MSRA: variants seen among roughly 807,000 people sequenced by gnomAD.
MSRA encodes mitochondrial peptide methionine sulfoxide reductase.
MSRA carries 54 observed loss-of-function variants against 31.3 expected under a neutral mutation model. The ratio of observed to expected loss-of-function variants is 1.73; its 90% confidence interval spans 1.39 to 2.17. The LOEUF is 2.17. MSRA is among the 30% of genes most tolerant of loss of function. The pLI is 0.00. For missense variants in MSRA, 507 were observed against 300.9 expected, an observed-to-expected ratio of 1.69 and a Z score of -5.07; for synonymous variants, 169 against 116.5, an observed-to-expected ratio of 1.45 and a Z score of -2.90.
intron 5 of MSRA, among the ~76,000 whole-genome samples, chr8:10,345,802 T>C (rs1803733407): frequency 6.6e-6 from 1 of 152,182 alleles, no homozygotes; most frequent in African/African-American, 2.4e-5. Flanking sequence ...CTAAAGGCAC[T>C]AGGAGGAGAC....
In MSRA at chr8:10,313,077, T is replaced by A. The variant is rs184584219; in HGVS notation, c.437-6806T>A. Among the ~76,000 whole-genome samples, 761 of 152,302 alleles carry A rather than the reference T, an allele frequency of 5.0e-3. 4 individuals carry two copies. The highest frequency in any genetic ancestry group is 6.7e-3 in the Non-Finnish European group (455 of 68,030). On this transcript the variant is annotated intron_variant, in intron 4 of 5. Transcript: ENST00000317173. The stretch of plus-strand genomic sequence containing the variant: ...AATCCACTAGATACCTATTTATCTT[T>A]CCCCAGCCGGACACCATTCCTCTTC...
intron 5 of MSRA, among the ~76,000 whole-genome samples, chr8:10,370,372 A>G (rs147352480): frequency 6.6e-6 from 1 of 152,214 alleles, no homozygotes; most frequent in African/African-American, 2.4e-5. Context: ...AATCCTTGTT[A>G]TACATGGTGG....
At chr8:10,297,165 G>A (rs1800590144) in intron 3 of MSRA, among the ~76,000 whole-genome samples, 1 of 152,066 alleles carries the variant, frequency 6.6e-6, no homozygotes, top group Admixed American at 6.6e-5. Context: ...TGATTTTCCT[G>A]GCCCCAGGTC....
chr8:10,240,937 G>T (rs1389993057), intron 2 of MSRA, among the ~76,000 whole-genome samples: 5 of 152,088 alleles, frequency 3.3e-5, no homozygotes, highest in Admixed American at 6.5e-5. Context: ...AGTTGGTGCA[G>T]CCTGGTGGGT....
intron 1 of MSRA, among the ~76,000 whole-genome samples, chr8:10,136,870 C>G (rs1040531261): frequency 2.0e-5 from 3 of 152,238 alleles, no homozygotes; most frequent in Non-Finnish European, 2.9e-5. Context: ...GTGTCTTCTT[C>G]TCTCCACATC....
At chr8:10,163,808 G>T (rs1341734792) in intron 1 of MSRA, among the ~76,000 whole-genome samples, 2 of 152,238 alleles carry the variant, frequency 1.3e-5, no homozygotes. Context: ...TACCCAGATG[G>T]ACACCGCATG....
chr8:10,250,328 C>A, intron 3 of MSRA: 3 of 659,226 alleles, frequency 4.6e-6, no homozygotes, highest in Non-Finnish European at 8.3e-6. Flanking sequence ...GGGTTAATTT[C>A]AGTGCATTAG....
chr8:10,153,426 G>T (rs1430737708), intron 1 of MSRA, among the ~76,000 whole-genome samples: 1 of 151,940 alleles, frequency 6.6e-6, no homozygotes, highest in Non-Finnish European at 1.5e-5. Context: ...TGGTCCACCC[G>T]ACCTATTTTT....
At chr8:10,302,372 G>A (rs1484285283) in intron 4 of MSRA, among the ~76,000 whole-genome samples, 1 of 152,258 alleles carries the variant, frequency 6.6e-6, no homozygotes, top group Non-Finnish European at 1.5e-5. Context: ...TGCAGCTTAT[G>A]AACTGAAAAG....
chr8:10,365,001 A>T (rs1278484105), intron 5 of MSRA, among the ~76,000 whole-genome samples: 2 of 152,070 alleles, frequency 1.3e-5, no homozygotes, highest in African/African-American at 2.4e-5. Context: ...AACACATTTG[A>T]TATTCTCTTT....
intron 1 of MSRA, among the ~76,000 whole-genome samples, chr8:10,146,977 G>C (rs1334833053): frequency 6.6e-6 from 1 of 152,234 alleles, no homozygotes; most frequent in African/African-American, 2.4e-5. Context: ...GTGGTAGATG[G>C]TTTCTGGAAG....
At chr8:10,103,051 C>A (rs1799641605) in intron 1 of MSRA, among the ~76,000 whole-genome samples, 1 of 152,130 alleles carries the variant, frequency 6.6e-6, no homozygotes, top group Non-Finnish European at 1.5e-5. Flanking sequence ...GTGTTTACCA[C>A]TAGCACATTG....
chr8:10,327,295 C>T (rs1348836983), intron 5 of MSRA, among the ~76,000 whole-genome samples: 1 of 152,162 alleles, frequency 6.6e-6, no homozygotes. Flanking sequence ...CAGTATATAG[C>T]TACAATCTTT....
chr8:10,338,884 T>A (rs1343793836), intron 5 of MSRA, among the ~76,000 whole-genome samples: 1 of 152,158 alleles, frequency 6.6e-6, no homozygotes, highest in East Asian at 1.9e-4. Context: ...TCTAGGGAGC[T>A]GATGTGCGGG....
intron 3 of MSRA, among the ~76,000 whole-genome samples, chr8:10,291,196 T>G (rs1800215179): frequency 6.6e-6 from 1 of 152,190 alleles, no homozygotes; most frequent in Non-Finnish European, 1.5e-5. Context: ...CTGAGCTGTG[T>G]TTATGGCACT....
At chr8:10,097,186 T>C (rs977986028) in intron 1 of MSRA, among the ~76,000 whole-genome samples, 3 of 152,162 alleles carry the variant, frequency 2.0e-5, no homozygotes, top group African/African-American at 7.2e-5. Flanking sequence ...GATTGAAAAA[T>C]ATATGAAATC....
At chr8:10,208,497 C>T (rs1395889987) in intron 2 of MSRA, among the ~76,000 whole-genome samples, 1 of 152,176 alleles carries the variant, frequency 6.6e-6, no homozygotes, top group African/African-American at 2.4e-5. Flanking sequence ...TTCCTTCCCT[C>T]CATGCCTCAT....
rs146861072 is a variant in MSRA, at chr8:10,261,843, T to G, written c.331+16620T>G. On this transcript the variant is annotated intron_variant, in intron 3 of 5. Transcript: ENST00000317173. The stretch of plus-strand genomic sequence containing the variant: ...GCAGAATAGTTCACTCCCTAAAGAT[T>G]CCCTGCGCTCCACCTGTTCATCTCT... Among the ~76,000 whole-genome samples, 218 of 152,344 alleles carry G rather than the reference T, an allele frequency of 1.4e-3. 1 individual carries two copies. Among genetic ancestry groups the G allele is most frequent in the African/African-American group, 5.1e-3 (211 of 41,576 alleles).
At chr8:10,319,036 A>C (rs1415499466) in intron 4 of MSRA, among the ~76,000 whole-genome samples, 1 of 151,860 alleles carries the variant, frequency 6.6e-6, no homozygotes, top group Non-Finnish European at 1.5e-5. Flanking sequence ...CCCCTTCCCC[A>C]CTGATCACGT....
Sources: allele counts gnomAD v4.1 joint callset (sites outside exome capture counted in the v4.1 genomes callset), GRCh38; gene constraint gnomAD v4.1.1; transcripts MANE v1.5; gene names NCBI Gene and HGNC (gene_info 2026-07-23, HGNC 2026-07-21).